KCNIP4: variants seen among roughly 807,000 people sequenced by gnomAD.
KCNIP4 encodes the protein potassium voltage-gated channel interacting protein 4.
KCNIP4 carries 12 observed loss-of-function variants against 34.0 expected under a neutral mutation model. The ratio of observed to expected loss-of-function variants is 0.35; its 90% CI spans 0.23 to 0.57. The LOEUF is 0.57. KCNIP4 is among the 20% of genes least tolerant of loss of function. The pLI is 0.83. For synonymous variants in KCNIP4, 124 were observed against 102.2 expected, an observed-to-expected ratio of 1.21 and a Z score of -1.29; for missense variants, 238 against 311.7, an observed-to-expected ratio of 0.76 and a Z score of 1.78.
At chr4:21,834,951 T>C in intron 1 of KCNIP4, among the ~76,000 whole-genome samples, 1 of 152,166 alleles carries the variant, frequency 6.6e-6, no homozygotes, top group Non-Finnish European at 1.5e-5. Flanking sequence ...GCCCACTTGA[T>C]CATGGTGGAT....
intron 1 of KCNIP4, among the ~76,000 whole-genome samples, chr4:21,751,798 A>G (rs565895199): frequency 6.6e-5 from 10 of 152,272 alleles, no homozygotes; most frequent in Admixed American, 4.6e-4. Context: ...CAGAGCCAAG[A>G]AGAAAAGGCT....
chr4:21,045,305 A>C (rs1742336617), intron 1 of KCNIP4, among the ~76,000 whole-genome samples: 1 of 152,330 alleles, frequency 6.6e-6, no homozygotes, highest in African/African-American at 2.4e-5. Context: ...AGATTAATTC[A>C]GTAAGTCTGG....
intron 1 of KCNIP4, among the ~76,000 whole-genome samples, chr4:20,904,918 A>T (rs897146955): frequency 3.9e-4 from 60 of 152,166 alleles, no homozygotes; most frequent in African/African-American, 1.4e-3. Flanking sequence ...GAGGAAGAGG[A>T]TGAGGCATGG....
intron 1 of KCNIP4, among the ~76,000 whole-genome samples, chr4:21,489,012 G>A (rs530503502): frequency 1.2e-4 from 19 of 152,242 alleles, no homozygotes; most frequent in African/African-American, 4.3e-4. Context: ...CTAAAATTAA[G>A]CATTGAAGAA....
intron 1 of KCNIP4, among the ~76,000 whole-genome samples, chr4:21,785,540 C>T (rs944054440): frequency 4.0e-5 from 6 of 151,540 alleles, no homozygotes; most frequent in Non-Finnish European, 5.9e-5. Flanking sequence ...TGCAGTGAGC[C>T]GAGATTGCAC....
intron 2 of KCNIP4, among the ~76,000 whole-genome samples, chr4:20,863,709 A>G (rs1722451559): frequency 6.6e-6 from 1 of 152,118 alleles, no homozygotes; most frequent in Non-Finnish European, 1.5e-5. Context: ...TTTCACTGTC[A>G]TGATTTCCTC....
intron 1 of KCNIP4, among the ~76,000 whole-genome samples, chr4:21,240,391 A>T (rs956403581): frequency 6.6e-6 from 1 of 151,896 alleles, no homozygotes; most frequent in Non-Finnish European, 1.5e-5. Flanking sequence ...TAAAATGAAA[A>T]AATTTAAAAA....
intron 1 of KCNIP4, among the ~76,000 whole-genome samples, chr4:21,193,571 A>ATTTT (rs71655619): frequency 0.097 from 11,526 of 119,054 alleles, 2,204 homozygotes; most frequent in African/African-American, 0.37. Context: ...GCAATTTTAA[A>ATTTT]TTTTTTTTTT....
intron 3 of KCNIP4, among the ~76,000 whole-genome samples, chr4:20,778,490 C>G (rs1756574270): frequency 6.6e-6 from 1 of 152,100 alleles, no homozygotes; most frequent in African/African-American, 2.4e-5. Context: ...ACAAGGAAAA[C>G]TGGGGAAATC....
rs115874251 is a variant in KCNIP4 at position 20,731,581 on chromosome 4, T to C, written c.705+425A>G. The C allele has an allele frequency of 9.6e-4, 947 of 985,394 alleles. 10 individuals are homozygous for C. In the African/African-American group the frequency reaches 0.015, roughly 16 times the overall value. The allele number at this position is 985,394 out of a possible 1,614,324, so 61.0% of individuals were successfully genotyped here. A position where few individuals can be genotyped will look rare whatever the true frequency, so the allele number is the denominator to read the frequency against. ...ATACACTAAAACAATGACTTTTCTC[T>C]TAGAAATCAGATAGAAGCTTGGCCT... On this transcript the variant is annotated intron_variant, in intron 8 of 8. Transcript: ENST00000382152.
chr4:21,700,157 T>C (rs1252227067), intron 1 of KCNIP4, among the ~76,000 whole-genome samples: 1 of 152,234 alleles, frequency 6.6e-6, no homozygotes, highest in African/African-American at 2.4e-5. Flanking sequence ...AGATACTCCA[T>C]ACTGTATTCT....
chr4:21,404,111 A>G (rs1723770907), intron 1 of KCNIP4, among the ~76,000 whole-genome samples: 1 of 152,102 alleles, frequency 6.6e-6, no homozygotes, highest in Non-Finnish European at 1.5e-5. Flanking sequence ...TCTTGCTCTC[A>G]CAGTTTCCTC....
At chr4:21,744,380 T>C (rs1716630871) in intron 1 of KCNIP4, among the ~76,000 whole-genome samples, 1 of 152,310 alleles carries the variant, frequency 6.6e-6, no homozygotes, top group Admixed American at 6.5e-5. Flanking sequence ...CCACTGGACA[T>C]ACTTACAACT....
At chr4:20,878,254 C>T (rs879359957) in intron 2 of KCNIP4, among the ~76,000 whole-genome samples, 4 of 152,124 alleles carry the variant, frequency 2.6e-5, no homozygotes, top group African/African-American at 9.7e-5. Flanking sequence ...CATGATATTT[C>T]CTATACTAAA....
chr4:20,783,913 G>A (rs1021459957), intron 3 of KCNIP4, among the ~76,000 whole-genome samples: 2 of 152,146 alleles, frequency 1.3e-5, no homozygotes, highest in African/African-American at 4.8e-5. Flanking sequence ...TTGGTTGGTT[G>A]TTTTGAGCCC....
chr4:21,528,675 C>CAAAGAAAG (rs1210670568), intron 1 of KCNIP4, among the ~76,000 whole-genome samples: 2 of 84,180 alleles, frequency 2.4e-5, no homozygotes, highest in Admixed American at 1.2e-4. Flanking sequence ...TCATAAAAAA[C>CAAAGAAAG]AAAGAAAGAA....
chr4:21,802,540 A>T (rs953310806), intron 1 of KCNIP4, among the ~76,000 whole-genome samples: 10 of 152,340 alleles, frequency 6.6e-5, no homozygotes, highest in South Asian at 4.1e-4. Context: ...ATTTAAAGAA[A>T]TGTACATCAT....
At chr4:21,846,684 AC>A (rs2109329062) in intron 1 of KCNIP4, 1 of 152,188 alleles carries the variant, frequency 6.6e-6, no homozygotes, top group East Asian at 1.9e-4. Context: ...TTTATTTGTT[AC>A]CCCAAATGGC....
intron 1 of KCNIP4, among the ~76,000 whole-genome samples, chr4:21,662,020 A>C (rs1012671000): frequency 1.9e-4 from 29 of 152,170 alleles, no homozygotes; most frequent in African/African-American, 6.8e-4. Context: ...ACATTTTAAA[A>C]ACAGGGCTGA....
Sources: allele counts gnomAD v4.1 joint callset (sites outside exome capture counted in the v4.1 genomes callset), GRCh38; gene constraint gnomAD v4.1.1; transcripts MANE v1.5; gene names NCBI Gene and HGNC (gene_info 2026-07-23, HGNC 2026-07-21).